The following PDZRN4 variants were observed in gnomAD, a reference collection of about 807,000 sequenced individuals.
The protein encoded by PDZRN4 is PDZ domain containing ring finger 4.
A neutral mutation model predicts 99.0 loss-of-function variants in PDZRN4; 70 were observed. The ratio of observed to expected loss-of-function variants is 0.71; its 90% CI spans 0.58 to 0.86. PDZRN4 has a LOEUF of 0.86. Ranked by LOEUF, PDZRN4 falls within the 40% of genes least tolerant of loss-of-function variation. PDZRN4 has a pLI of 0.00. For missense variants in PDZRN4, 1,474 were observed against 1,331.2 expected, an observed-to-expected ratio of 1.11 and a Z score of -1.67; for synonymous variants, 551 against 501.6, an observed-to-expected ratio of 1.10 and a Z score of -1.32.
At chr12:41,242,855 T>A (rs1163429986) in intron 3 of PDZRN4, among the ~76,000 whole-genome samples, 1 of 152,162 alleles carries the variant, frequency 6.6e-6, no homozygotes, top group Non-Finnish European at 1.5e-5. Context: ...TAGCAAAAAA[T>A]TGCAGTGCCC....
chr12:41,440,120 G>T (rs912588884), intron 3 of PDZRN4, among the ~76,000 whole-genome samples: 1 of 152,124 alleles, frequency 6.6e-6, no homozygotes, highest in Non-Finnish European at 1.5e-5. Context: ...ATTTACAAAA[G>T]TGACTTGTGA....
chr12:41,548,400 TA>T (rs1938994537), intron 5 of PDZRN4, among the ~76,000 whole-genome samples: 1 of 152,178 alleles, frequency 6.6e-6, no homozygotes, highest in Non-Finnish European at 1.5e-5. Context: ...TAATCAACAT[TA>T]AAAAATGTAA....
intron 3 of PDZRN4, among the ~76,000 whole-genome samples, chr12:41,345,711 G>A (rs529911346): frequency 1.3e-5 from 2 of 152,230 alleles, no homozygotes; most frequent in South Asian, 4.1e-4. Flanking sequence ...GAAGCACAGC[G>A]TGGGGATGCA....
intron 2 of PDZRN4, among the ~76,000 whole-genome samples, chr12:41,192,979 A>C (rs1267138127): frequency 1.3e-5 from 2 of 152,244 alleles, no homozygotes; most frequent in Non-Finnish European, 2.9e-5. Context: ...ATAAACTGCC[A>C]TGAAATTTTT....
At chr12:41,572,183 TATAAA>T (rs1939494044) in intron 9 of PDZRN4, among the ~76,000 whole-genome samples, 176 bp from the exon 10 acceptor site, 1 of 152,232 alleles carries the variant, frequency 6.6e-6, no homozygotes, top group Non-Finnish European at 1.5e-5. Flanking sequence ...CATTTCATTG[TATAAA>T]AAGCTGCCAT....
chr12:41,474,183 C>A (rs1229736815), intron 3 of PDZRN4, among the ~76,000 whole-genome samples: 3 of 152,084 alleles, frequency 2.0e-5, no homozygotes, highest in African/African-American at 7.2e-5. Flanking sequence ...GCATCACAAC[C>A]AATAATAGCC....
rs1282358638 is a variant in PDZRN4, at chr12:41,573,375, G to A, written c.2596G>A (p.Ala866Thr). Reference protein sequence around the residue: ...LIQQKSAVEYAQSQLSLVSMC... With the variant: ...LIQQKSAVEYTQSQLSLVSMC... ...TCAACAGAAATCTGCAGTCGAGTAT[G>A]CTCAGAGTCAGCTCAGCTTGGTGAG... Residue 866 changes from alanine to threonine, a missense_variant, in exon 10 of 10, where the codon GCT becomes ACT. Ala to Thr is a moderately conservative substitution (Grantham distance 58, BLOSUM62 0). Coordinates refer to ENST00000402685, the MANE Select transcript of PDZRN4 (RefSeq NM_001164595.2). 11 of 1,613,236 alleles carry A rather than the reference G, an allele frequency of 6.8e-6. No individual in the cohort carries two copies. Among genetic ancestry groups the A allele is most frequent in the Non-Finnish European group, 8.5e-6 (10 of 1,180,018 alleles).
At chr12:41,383,418 T>G (rs891663722) in intron 3 of PDZRN4, among the ~76,000 whole-genome samples, 5 of 152,220 alleles carry the variant, frequency 3.3e-5, no homozygotes, top group Non-Finnish European at 7.3e-5. Flanking sequence ...TTTCATATAT[T>G]TATGGTAAAA....
At chr12:41,309,085 A>G (rs946524656) in intron 3 of PDZRN4, among the ~76,000 whole-genome samples, 1 of 152,180 alleles carries the variant, frequency 6.6e-6, no homozygotes, top group African/African-American at 2.4e-5. Context: ...CAAAAACAAT[A>G]CTATAAAAGT....
At chr12:41,237,221 G>A (rs567274350) in intron 3 of PDZRN4, among the ~76,000 whole-genome samples, 3 of 152,166 alleles carry the variant, frequency 2.0e-5, no homozygotes, top group African/African-American at 7.2e-5. Context: ...AATGGACAGA[G>A]CATACAGTCC....
At chr12:41,245,219 A>G (rs1469281596) in intron 3 of PDZRN4, among the ~76,000 whole-genome samples, 1 of 152,156 alleles carries the variant, frequency 6.6e-6, no homozygotes, top group East Asian at 1.9e-4. Context: ...ATTTCTGAGC[A>G]CAGGGACTTT....
rs183728578 is a variant in PDZRN4 at position 41,208,883 on chromosome 12, A to T, written c.843+14695A>T. On this transcript the variant is annotated intron_variant, in intron 3 of 9. Coordinates refer to ENST00000402685, the MANE Select transcript of PDZRN4 (RefSeq NM_001164595.2). ...TTTTAAAAAATATTGTTAGGGGAAA[A>T]AAAAGATTTTCCAGAAGTTTTACAC... Among the ~76,000 whole-genome samples the T allele has an allele frequency of 3.5e-3, 536 of 152,012 alleles. 3 individuals carry two copies. Among genetic ancestry groups the T allele is most frequent in the Middle Eastern group, 6.8e-3 (2 of 294 alleles).
At chr12:41,489,945 T>C (rs555270878) in intron 3 of PDZRN4, among the ~76,000 whole-genome samples, 21 of 152,266 alleles carry the variant, frequency 1.4e-4, no homozygotes, top group African/African-American at 4.1e-4. Context: ...TGAAAACATA[T>C]TGAGTTTAAA....
Position 41,261,393 on chromosome 12 carries a change from G to C in PDZRN4, c.843+67205G>C, listed in dbSNP as rs139928120. 1.3e-3 allele frequency among the ~76,000 whole-genome samples: 195 copies of C among 152,266 alleles called. 1 individual carries two copies. Among genetic ancestry groups the C allele is most frequent in the African/African-American group, 4.5e-3 (187 of 41,548 alleles). ...TAATAACTTGTGATAGATGAGTTCT[G>C]CTTCATCAGAAGTTGAAGGCTTAAT... On this transcript the variant is annotated intron_variant, in intron 3 of 9. Transcript: ENST00000402685.
At chr12:41,216,600 T>C (rs1950922555) in intron 3 of PDZRN4, among the ~76,000 whole-genome samples, 1 of 152,048 alleles carries the variant, frequency 6.6e-6, no homozygotes, top group South Asian at 2.1e-4. Context: ...TCTGAAAGCC[T>C]GCATATTCTA....
intron 3 of PDZRN4, among the ~76,000 whole-genome samples, chr12:41,199,847 T>A (rs1033092859): frequency 6.6e-6 from 1 of 151,894 alleles, no homozygotes; most frequent in Non-Finnish European, 1.5e-5. Context: ...GAATAACAGA[T>A]GTTGAAGATG....
At chr12:41,501,895 T>C (rs766525605) in intron 3 of PDZRN4, among the ~76,000 whole-genome samples, 7 of 152,146 alleles carry the variant, frequency 4.6e-5, no homozygotes, top group African/African-American at 7.2e-5. Context: ...CTATCATCCA[T>C]TTACTTGTTA....
intron 3 of PDZRN4, among the ~76,000 whole-genome samples, chr12:41,196,100 C>T (rs1950770373): frequency 6.6e-6 from 1 of 151,930 alleles, no homozygotes. Context: ...TACAAACCTA[C>T]TGTTTTTTTT....
intron 3 of PDZRN4, among the ~76,000 whole-genome samples, chr12:41,226,998 A>C (rs571030279): frequency 2.0e-5 from 3 of 152,290 alleles, no homozygotes; most frequent in Admixed American, 2.0e-4. Context: ...GGATATCCCA[A>C]ATTGCAAATA....
Sources: gnomAD v4.1 joint callset for allele counts (sites outside exome capture counted in the v4.1 genomes callset) on GRCh38, gnomAD v4.1.1 for gene constraint, MANE v1.5 for transcripts, NCBI Gene and HGNC (gene_info 2026-07-23, HGNC 2026-07-21) for gene names.